The following PARP4 variants were observed in gnomAD, a reference collection of about 807,000 sequenced individuals.
The protein encoded by PARP4 is protein mono-ADP-ribosyltransferase PARP4.
In PARP4, 120 loss-of-function variants were observed where a neutral mutation model predicts 187.7. The observed-to-expected ratio is 0.64, with a 90% CI of 0.55 to 0.74. The LOEUF is 0.74. Ranked by LOEUF, PARP4 falls within the 30% of genes least tolerant of loss-of-function variation. The pLI is 0.00. For missense variants in PARP4, 1,836 were observed against 2,070.5 expected (o/e 0.89, Z 2.20); for synonymous variants, 654 against 740.9 (o/e 0.88, Z 1.90).
At chr13:24,481,020 G>A (rs1326328125) in intron 12 of PARP4, among the ~76,000 whole-genome samples, 1 of 152,248 alleles carries the variant, frequency 6.6e-6, no homozygotes, top group Non-Finnish European at 1.5e-5. Flanking sequence ...ACGACAGGCT[G>A]ACTCTTGTCA....
chr13:24,425,549 G>GCA (rs1157488621), intron 33 of PARP4, among the ~76,000 whole-genome samples: 1 of 53,028 alleles, frequency 1.9e-5, no homozygotes, highest in Non-Finnish European at 3.6e-5. Flanking sequence ...GTGCATGTGT[G>GCA]TGTGTGTGTG....
At chr13:24,438,692 A>G (rs1316891524) in intron 30 of PARP4, among the ~76,000 whole-genome samples, 1 of 152,220 alleles carries the variant, frequency 6.6e-6, no homozygotes, top group African/African-American at 2.4e-5. Flanking sequence ...AGCACACAGC[A>G]CTGAGCGCTG....
intron 17 of PARP4, among the ~76,000 whole-genome samples, chr13:24,462,718 A>C (rs1312707568): frequency 1.3e-5 from 2 of 152,230 alleles, no homozygotes; most frequent in African/African-American, 4.8e-5. Flanking sequence ...ATTATATTTT[A>C]AGTGTCAAAA....
chr13:24,502,808 G>C (rs1028726057), intron 2 of PARP4, among the ~76,000 whole-genome samples: 1 of 152,242 alleles, frequency 6.6e-6, no homozygotes, highest in Non-Finnish European at 1.5e-5. Context: ...TATAAGGGAA[G>C]TATATACAAT....
chr13:24,450,833 C>G (rs1467118160), intron 24 of PARP4, among the ~76,000 whole-genome samples: 2 of 152,222 alleles, frequency 1.3e-5, no homozygotes, highest in East Asian at 1.9e-4. Context: ...CAGGCTCCCC[C>G]ACTGCACACC....
At chr13:24,484,425 G>A (rs190282200) in intron 12 of PARP4, among the ~76,000 whole-genome samples, 22 of 152,210 alleles carry the variant, frequency 1.4e-4, no homozygotes, top group African/African-American at 5.1e-4. Context: ...CTCCCACCCT[G>A]GCCTCCAAAA....
At position 24,434,392 on chromosome 13, in the gene PARP4, T is replaced by C. The variant is rs1870496737; in HGVS notation, c.4746+3A>G. On this transcript the variant is annotated splice_donor_region_variant and intron_variant, in intron 31 of 33. Transcript: ENST00000381989. ...CAGATTTAAGGAGAAATAAGACACA[T>C]ACCTCTGTCTGTAGACTGAGGAGTT... The C allele has an allele frequency of 1.3e-6, 2 of 1,532,034 alleles. No homozygotes were observed. The highest frequency in any genetic ancestry group is 1.8e-6 in the Non-Finnish European group (2 of 1,139,626). 94.9% of individuals were successfully genotyped at this position (1,532,034 alleles called of 1,614,324 possible).
In PARP4 at chr13:24,458,548, G is replaced by C. The variant is rs140653902; in HGVS notation, c.2424+496C>G. Among the ~76,000 whole-genome samples the C allele has an allele frequency of 3.5e-4, 53 of 152,014 alleles. 1 individual carries two copies. The highest frequency in any genetic ancestry group is 1.2e-3 in the African/African-American group (49 of 41,394). On this transcript the variant is annotated intron_variant, in intron 20 of 33. Transcript: ENST00000381989. ...GCCATGACTGCACCACTGTACTCTA[G>C]TCTGGGTGACAGAGCAAGACCCTGT...
chr13:24,423,828 G>A (rs1869883871), intron 33 of PARP4, among the ~76,000 whole-genome samples: 1 of 152,004 alleles, frequency 6.6e-6, no homozygotes, highest in Non-Finnish European at 1.5e-5. Flanking sequence ...TACCACACTC[G>A]GGTAATTTTA....
At chr13:24,429,686 C>T (rs1321441314) in intron 32 of PARP4, among the ~76,000 whole-genome samples, 2 of 152,234 alleles carry the variant, frequency 1.3e-5, no homozygotes, top group Admixed American at 6.5e-5. Context: ...GAAATCTCTG[C>T]TTAGCTCTGT....
chr13:24,505,685 C>T (rs1316666489), intron 1 of PARP4, among the ~76,000 whole-genome samples: 1 of 152,214 alleles, frequency 6.6e-6, no homozygotes, highest in Non-Finnish European at 1.5e-5. Context: ...CGCGCCACCA[C>T]GCCCGGCTAA....
intron 20 of PARP4, 41 bp from the exon 21 acceptor site, chr13:24,456,519 T>G: frequency 6.4e-7 from 1 of 1,568,140 alleles, no homozygotes; most frequent in Non-Finnish European, 8.7e-7. Flanking sequence ...AGTAATGGAG[T>G]AACACCATAT....
At chr13:24,506,580 C>T (rs1593661567) in intron 1 of PARP4, among the ~76,000 whole-genome samples, 1 of 152,286 alleles carries the variant, frequency 6.6e-6, no homozygotes, top group East Asian at 1.9e-4. Flanking sequence ...ACTAGATTAG[C>T]TAGACACAGA....
intron 17 of PARP4, among the ~76,000 whole-genome samples, chr13:24,467,773 C>A (rs9511294): frequency 0.51 from 77,343 of 151,930 alleles, 19,991 homozygotes; most frequent in South Asian, 0.64. Flanking sequence ...CTTGTGGACC[C>A]TATTCCTAGG....
intron 1 of PARP4, among the ~76,000 whole-genome samples, chr13:24,506,070 A>T (rs1156352365): frequency 6.6e-6 from 1 of 152,140 alleles, no homozygotes. Context: ...TCTTGGTCTC[A>T]CTGACTTCAA....
At position 24,426,508 on chromosome 13, in the gene PARP4, A is replaced by G; in HGVS notation, c.4937T>C (p.Val1646Ala). ...ATCCATTTTCATCAGTGATTTGAAC[A>G]CTATTCCCTCTTTTTCCAACCTGGT... Reference protein sequence around the residue: ...IRTRLEKEGIVFKSLMKMDDA... With the variant: ...IRTRLEKEGIAFKSLMKMDDA... Residue 1646 changes from valine (V) to alanine (A), a missense_variant, in exon 33 of 34, where the codon GTG becomes GCG. This residue lies in a region of PARP4 where 45 missense variants were observed against 53.1 expected (regional missense o/e 0.85). Coordinates refer to ENST00000381989, the MANE Select transcript of PARP4 (RefSeq NM_006437.4). 2 of 1,612,184 alleles carry G rather than the reference A, an allele frequency of 1.2e-6. No homozygotes were observed. Among genetic ancestry groups the G allele is most frequent in the Non-Finnish European group, 1.7e-6 (2 of 1,178,846 alleles).
intron 30 of PARP4, among the ~76,000 whole-genome samples, chr13:24,436,116 A>G (rs1463877376): frequency 6.6e-6 from 1 of 152,134 alleles, no homozygotes; most frequent in Non-Finnish European, 1.5e-5. Context: ...CATTTTACAC[A>G]TGAGGGAACT....
intron 30 of PARP4, among the ~76,000 whole-genome samples, chr13:24,439,232 T>G (rs1464380730): frequency 2.0e-5 from 3 of 151,406 alleles, no homozygotes; most frequent in African/African-American, 7.3e-5. Context: ...GAGTCTGAGG[T>G]AGGAGGATCT....
Position 24,507,158 on chromosome 13 carries a change from C to T in PARP4, c.-1-3381G>A, listed in dbSNP as rs565122432. Among the ~76,000 whole-genome samples, 416 of 152,338 alleles carry T rather than the reference C, an allele frequency of 2.7e-3. 2 individuals carry two copies. Among genetic ancestry groups the T allele is most frequent in the African/African-American group, 9.7e-3 (403 of 41,582 alleles). Reference sequence around the variant, plus strand: ...AACTTGCGCTGGCCCGCAAGCGCCGCGCACAGCCCCGGTTCCGTCCTGCGC... The same window carrying T: ...AACTTGCGCTGGCCCGCAAGCGCCGTGCACAGCCCCGGTTCCGTCCTGCGC... On this transcript the variant is annotated intron_variant, in intron 1 of 33. Coordinates refer to ENST00000381989, the MANE Select transcript of PARP4 (RefSeq NM_006437.4).
Sources: allele counts gnomAD v4.1 joint callset (sites outside exome capture counted in the v4.1 genomes callset), GRCh38; gene constraint gnomAD v4.1.1; regional missense constraint gnomAD v4.1.1; transcripts MANE v1.5; gene names NCBI Gene and HGNC (gene_info 2026-07-23, HGNC 2026-07-21).